Variants in THAP8 observed in about 807,000 individuals in gnomAD.
THAP8 encodes the protein THAP domain-containing protein 8.
THAP8 carries 24 observed loss-of-function variants against 25.0 expected under a neutral mutation model. The ratio of observed to expected loss-of-function variants is 0.96; its 90% confidence interval spans 0.69 to 1.35. The LOEUF is 1.35. THAP8 is among the 40% of genes most tolerant of loss of function. The pLI is 0.00. For missense variants in THAP8, 399 were observed against 368.8 expected (o/e 1.08, Z -0.67); for synonymous variants, 169 against 157.6 (o/e 1.07, Z -0.54).
upstream of THAP8, chr19:36,054,608 C>T (rs889055882): frequency 1.8e-6 from 1 of 542,578 alleles, no homozygotes; most frequent in Non-Finnish European, 3.3e-6. Flanking sequence ...TTGGGGCGCA[C>T]ATAGTTCCTC....
rs1421195989 is a variant in THAP8 at position 36,042,416 on chromosome 19, G to A, written c.84-2280C>T. ...GGAGGCTGAGGTGGGTGGGTCACTT[G>A]AGCCCAGGTGTTCAAGACCAACCTG... On this transcript the variant is annotated intron_variant, in intron 1 of 3. Transcript: ENST00000292894. Among the ~76,000 whole-genome samples, 8 of 152,154 alleles carry A rather than the reference G, an allele frequency of 5.3e-5. 1 individual carries two copies. The East Asian group carries it at 5.8e-4, about 11-fold the overall frequency.
intron 1 of THAP8, among the ~76,000 whole-genome samples, chr19:36,044,935 G>A (rs1969823101): frequency 6.6e-6 from 1 of 152,094 alleles, no homozygotes; most frequent in African/African-American, 2.4e-5. Flanking sequence ...GGTACTCTGT[G>A]AACTGACATG....
At chr19:36,040,175 G>C in intron 1 of THAP8, 39 bp from the exon 2 acceptor site, 1 of 1,558,358 alleles carries the variant, frequency 6.4e-7, no homozygotes, top group Non-Finnish European at 8.7e-7. Context: ...GTGCTACGAG[G>C]TTCAGACTTA....
intron 1 of THAP8, among the ~76,000 whole-genome samples, chr19:36,041,802 C>T (rs1043439366): frequency 4.6e-5 from 7 of 152,022 alleles, no homozygotes; most frequent in African/African-American, 7.3e-5. Flanking sequence ...AAAAAGAGGC[C>T]GGGCATGGTG....
intron 1 of THAP8, among the ~76,000 whole-genome samples, chr19:36,052,029 G>T (rs79617090): frequency 0.068 from 10,226 of 149,706 alleles, 396 homozygotes; most frequent in South Asian, 0.091. Context: ...TTTTTTTTTT[G>T]TTTGTTTGTT....
intron 1 of THAP8, among the ~76,000 whole-genome samples, chr19:36,051,309 G>A (rs905167871): frequency 6.6e-6 from 1 of 152,318 alleles, no homozygotes; most frequent in South Asian, 2.1e-4. Flanking sequence ...GGTCACACTG[G>A]TATCAGGGAA....
At chr19:36,038,996 T>C (rs1295817648) in intron 3 of THAP8, among the ~76,000 whole-genome samples, 7 of 152,260 alleles carry the variant, frequency 4.6e-5, no homozygotes, top group African/African-American at 1.4e-4. Flanking sequence ...GGAGCAATCA[T>C]TACTCAGCTC....
chr19:36,037,868 G>T (rs1969532652), intron 3 of THAP8, among the ~76,000 whole-genome samples: 1 of 152,018 alleles, frequency 6.6e-6, no homozygotes, highest in Non-Finnish European at 1.5e-5. Flanking sequence ...TCGAACTCCT[G>T]ACCTCGTGAT....
chr19:36,036,310 GT>G (rs1464518214), intron 3 of THAP8, among the ~76,000 whole-genome samples: 2 of 130,164 alleles, frequency 1.5e-5, no homozygotes, highest in Non-Finnish European at 3.1e-5. Context: ...GAGTCTCACA[GT>G]GTCACCCAGG....
intron 3 of THAP8, among the ~76,000 whole-genome samples, chr19:36,036,940 C>CAAAA (rs10522467): frequency 2.7e-5 from 3 of 113,196 alleles, no homozygotes; most frequent in South Asian, 3.3e-4. Context: ...GACTCCTTCT[C>CAAAA]AAAAAAAAAA....
chr19:36,039,963 G>C lies in THAP8; in HGVS notation c.257C>G (p.Ser86Cys), dbSNP rs781289538. Residue 86 changes from serine to cysteine, a missense_variant, in exon 2 of 4, where the codon TCC becomes TGC. Physicochemically the swap from Ser to Cys is moderately radical, Grantham distance 112. Transcript: ENST00000292894. ...GCTCACCTTGGCAGGTGGTCCCCGG[G>C]AGAAGATGGAGGGCACTGCATCAGG... is the stretch of plus-strand genomic sequence containing the variant. Reference protein sequence around the residue: ...LRPDAVPSIFSRGPPAKSQRR... With the variant: ...LRPDAVPSIFCRGPPAKSQRR... The C allele has an allele frequency of 1.9e-6, 3 of 1,613,150 alleles. No homozygotes were observed. The highest frequency in any genetic ancestry group is 2.5e-6 in the Non-Finnish European group (3 of 1,179,942).
intron 1 of THAP8, among the ~76,000 whole-genome samples, chr19:36,049,003 G>A (rs1969976376): frequency 6.6e-6 from 1 of 151,766 alleles, no homozygotes; most frequent in Admixed American, 6.6e-5. Context: ...CTACCAAGCA[G>A]ATACAATTCT....
chr19:36,037,343 TACACACACAC>T lies in THAP8; in HGVS notation c.673-1761_673-1752del, dbSNP rs58349186. Among the ~76,000 whole-genome samples the T allele has an allele frequency of 1.9e-3, 213 of 114,830 alleles. 1 individual carries two copies. The highest frequency in any genetic ancestry group is 5.0e-3 in the African/African-American group (151 of 30,296). 75.3% of individuals were successfully genotyped at this position (114,830 alleles called of 152,430 possible). ...AAACACCTTCCTCAAATTCCTCCCC[TACACACACAC>T]ACACACACACACACACACACACACA... On this transcript the variant is annotated intron_variant, in intron 3 of 3. Transcript: ENST00000292894.
At chr19:36,036,036 T>C (rs572257666) in intron 3 of THAP8, among the ~76,000 whole-genome samples, 98 of 152,044 alleles carry the variant, frequency 6.4e-4, no homozygotes, top group African/African-American at 2.3e-3. Flanking sequence ...AGAGATTGAA[T>C]GACAGGAGGG....
chr19:36,038,549 T>C (rs775060435), intron 3 of THAP8, among the ~76,000 whole-genome samples: 14 of 152,086 alleles, frequency 9.2e-5, no homozygotes, highest in Admixed American at 3.3e-4. Flanking sequence ...CACTGCATTT[T>C]TTAAAAATTA....
rs1435339671 is a variant in THAP8 at position 36,054,198 on chromosome 19, G to T, written c.20C>A (p.Ala7Glu). The change falls in exon 1 of 4, where the codon GCG becomes GAG. Residue 7 changes from alanine to glutamate, a missense_variant. By Grantham distance (107) the Ala-to-Glu change is moderately radical. Coordinates refer to ENST00000292894, the MANE Select transcript of THAP8 (RefSeq NM_152658.3). MPKYCR[A>E]PNCSNTAGRL... ...GCCCGCAGTGTTGGAGCAGTTCGGC[G>T]CCCTGCAGTACTTGGGCATGGCTAT... The T allele has an allele frequency of 6.2e-7, 1 of 1,613,844 alleles. No homozygotes were observed. Among genetic ancestry groups the T allele is most frequent in the East Asian group, 2.2e-5 (1 of 44,878 alleles).
intron 1 of THAP8, among the ~76,000 whole-genome samples, chr19:36,053,809 G>T (rs1306096676): frequency 6.6e-6 from 1 of 152,152 alleles, no homozygotes; most frequent in Non-Finnish European, 1.5e-5. Context: ...CGGATGCTCT[G>T]AGTTTCAGAT....
At chr19:36,039,293 A>G in intron 3 of THAP8, 30 bp downstream of exon 3, 1 of 1,435,854 alleles carries the variant, frequency 7.0e-7, no homozygotes, top group Non-Finnish European at 9.1e-7. Flanking sequence ...CCACCCATGG[A>G]TGGGGCTGCC....
chr19:36,037,381 C>CACACACACACACACACACA (rs1599713531), intron 3 of THAP8, among the ~76,000 whole-genome samples: 2 of 146,394 alleles, frequency 1.4e-5, no homozygotes, highest in African/African-American at 5.1e-5. Context: ...CACACACACA[C>CACACACACACACACACACA]CCAGCAGTAA....
Sources: allele counts gnomAD v4.1 joint callset (sites outside exome capture counted in the v4.1 genomes callset), GRCh38; gene constraint gnomAD v4.1.1; transcripts MANE v1.5; gene names NCBI Gene and HGNC (gene_info 2026-07-23, HGNC 2026-07-21).